Variants in EPHA6 observed in about 807,000 individuals in gnomAD.
The protein encoded by EPHA6 is EPH receptor A6, also known as ephrin type-A receptor 6.
In EPHA6, 50 loss-of-function variants were observed where a neutral mutation model predicts 112.0. The ratio of observed to expected loss-of-function variants is 0.45; its 90% confidence interval spans 0.36 to 0.56. The LOEUF (loss-of-function observed/expected upper bound fraction) is 0.56, where lower values mean the gene tolerates loss of function less well. Ranked by LOEUF, EPHA6 falls within the 20% of genes least tolerant of loss-of-function variation. The probability of loss-of-function intolerance (pLI) is 0.00; values close to 1 mark genes in which losing one functional copy is unlikely to be tolerated. For synonymous variants in EPHA6, 529 were observed against 490.7 expected, an observed-to-expected ratio of 1.08 and a Z score of -1.03; for missense variants, 1,280 against 1,417.4, an observed-to-expected ratio of 0.90 and a Z score of 1.56.
At chr3:97,722,349 A>G (rs907502618) in intron 15 of EPHA6, among the ~76,000 whole-genome samples, 2 of 152,210 alleles carry the variant, frequency 1.3e-5, no homozygotes, top group Non-Finnish European at 2.9e-5. Context: ...AACACATATT[A>G]CATTTGGAAG....
In EPHA6 at chr3:97,396,105, C is replaced by T. The variant is rs369851368; in HGVS notation, c.1607-9045C>T. 1.4e-4 allele frequency among the ~76,000 whole-genome samples: 21 copies of T among 151,542 alleles called. No individual in the cohort carries two copies. The East Asian group carries it at 1.7e-3, about 13-fold the overall frequency. On this transcript the variant is annotated intron_variant, in intron 5 of 17. Coordinates refer to ENST00000389672, the MANE Select transcript of EPHA6 (RefSeq NM_001080448.3). ...CAAAGTTAAGCGTCAAGGGATTTTC[C>T]GGATTGCTGGAAAAAATATATTAAA...
intron 5 of EPHA6, among the ~76,000 whole-genome samples, chr3:97,298,624 A>G (rs1253658328): frequency 6.6e-6 from 1 of 152,162 alleles, no homozygotes; most frequent in African/African-American, 2.4e-5. Flanking sequence ...TAATTACCAA[A>G]TATATAAGAC....
At chr3:97,325,227 C>T (rs187408400) in intron 5 of EPHA6, among the ~76,000 whole-genome samples, 22 of 152,190 alleles carry the variant, frequency 1.4e-4, no homozygotes, top group Admixed American at 9.2e-4. Context: ...GCACCATCGA[C>T]TATGTGGCTC....
intron 5 of EPHA6, among the ~76,000 whole-genome samples, chr3:97,366,944 G>A (rs138906508): frequency 2.2e-4 from 33 of 152,270 alleles, no homozygotes; most frequent in African/African-American, 7.5e-4. Flanking sequence ...TATTCTCAGC[G>A]CTTTACACGT....
rs565045900 is a variant in EPHA6, at chr3:96,987,981, G to C, written c.1102G>C (p.Gly368Arg). The C allele has an allele frequency of 1.9e-4, 285 of 1,538,408 alleles. No homozygotes were observed. The highest frequency in any genetic ancestry group is 2.3e-4 in the Non-Finnish European group (265 of 1,138,020). The change falls in exon 3 of 18, where the codon GGT (glycine) becomes CGT (arginine). Residue 368 changes from glycine to arginine, a missense_variant. Physicochemically the swap from Gly to Arg is moderately radical, Grantham distance 125. Around this residue, in one of 4 missense-constraint regions of EPHA6, gnomAD observed 878 missense variants for 999.7 expected, o/e 0.88. Transcript: ENST00000389672. Reference sequence around the variant, plus strand: ...CAGTACAGGATATGAAGAAATTGAGGGTTCTTGCCATGGTAAGAAACAAAC... The same window carrying C: ...CAGTACAGGATATGAAGAAATTGAGCGTTCTTGCCATGGTAAGAAACAAAC... ...ICSTGYEEIE[G>R]SCHACRPGFY...
At chr3:97,017,867 A>G (rs2107968207) in intron 3 of EPHA6, among the ~76,000 whole-genome samples, 2 of 152,074 alleles carry the variant, frequency 1.3e-5, no homozygotes, top group Middle Eastern at 3.4e-3. Flanking sequence ...ATCCCTTTGA[A>G]TAAACTTTCT....
intron 10 of EPHA6, among the ~76,000 whole-genome samples, chr3:97,524,587 T>A (rs192311451): frequency 2.0e-5 from 3 of 152,238 alleles, no homozygotes; most frequent in East Asian, 1.9e-4. Flanking sequence ...TACTTCCATA[T>A]GTTTTTATAT....
intron 3 of EPHA6, among the ~76,000 whole-genome samples, chr3:97,053,303 T>C (rs2045744893): frequency 6.6e-6 from 1 of 152,010 alleles, no homozygotes; most frequent in South Asian, 2.1e-4. Flanking sequence ...GTTAGTCTGG[T>C]CTAGAGAAGG....
At chr3:97,088,946 T>C (rs2046985392) in intron 3 of EPHA6, among the ~76,000 whole-genome samples, 1 of 152,086 alleles carries the variant, frequency 6.6e-6, no homozygotes, top group African/African-American at 2.4e-5. Context: ...AAGAGCATCT[T>C]TCTAAGGGCA....
intron 14 of EPHA6, among the ~76,000 whole-genome samples, chr3:97,701,735 A>G (rs1341659762): frequency 6.6e-6 from 1 of 151,826 alleles, no homozygotes; most frequent in African/African-American, 2.4e-5. Context: ...CTTCTTGACT[A>G]TTGTATAGTA....
intron 15 of EPHA6, 87 bp downstream of exon 15, chr3:97,720,497 A>G (rs2034477290): frequency 8.1e-7 from 1 of 1,237,830 alleles, no homozygotes; most frequent in Non-Finnish European, 1.1e-6. Context: ...CCTCACTCAG[A>G]TTGGCCTTTA....
At chr3:97,139,173 T>G (rs1205466963) in intron 3 of EPHA6, among the ~76,000 whole-genome samples, 1 of 152,126 alleles carries the variant, frequency 6.6e-6, no homozygotes, top group Non-Finnish European at 1.5e-5. Context: ...GACATGGACC[T>G]CAGAGAGCAC....
chr3:97,683,911 C>T (rs1056013200), intron 14 of EPHA6, among the ~76,000 whole-genome samples: 6 of 152,164 alleles, frequency 3.9e-5, no homozygotes, highest in Non-Finnish European at 7.4e-5. Context: ...TAGCTGAAGC[C>T]CATTCCTAAA....
intron 7 of EPHA6, among the ~76,000 whole-genome samples, chr3:97,461,930 CT>C (rs1303078414): frequency 2.6e-5 from 4 of 152,118 alleles, no homozygotes; most frequent in African/African-American, 9.7e-5. Context: ...GCAATATCAC[CT>C]TGTAGATCCA....
intron 11 of EPHA6, among the ~76,000 whole-genome samples, chr3:97,546,547 G>A (rs766737242): frequency 1.3e-5 from 2 of 151,930 alleles, no homozygotes; most frequent in African/African-American, 2.4e-5. Context: ...TGTGTCTTGG[G>A]GTTGCTCTTC....
At chr3:97,089,331 A>G (rs2046995316) in intron 3 of EPHA6, among the ~76,000 whole-genome samples, 2 of 152,102 alleles carry the variant, frequency 1.3e-5, no homozygotes, top group African/African-American at 4.8e-5. Context: ...ACCTTTTCAC[A>G]GTTTGCTTTT....
chr3:96,911,642 C>T (rs2039219130), intron 2 of EPHA6, among the ~76,000 whole-genome samples: 2 of 151,768 alleles, frequency 1.3e-5, no homozygotes, highest in Non-Finnish European at 2.9e-5. Context: ...TCTTGTCTGT[C>T]TCATATTATT....
At chr3:97,386,738 T>A (rs1371436917) in intron 5 of EPHA6, among the ~76,000 whole-genome samples, 1 of 152,210 alleles carries the variant, frequency 6.6e-6, no homozygotes, top group Non-Finnish European at 1.5e-5. Context: ...GACTCTGTGT[T>A]GGGGCTCCAT....
intron 14 of EPHA6, among the ~76,000 whole-genome samples, chr3:97,648,051 C>T (rs1225734561): frequency 1.3e-5 from 2 of 151,936 alleles, no homozygotes; most frequent in East Asian, 1.9e-4. Flanking sequence ...AAGATCAAAG[C>T]AAAATAGAAG....
Sources: allele counts gnomAD v4.1 joint callset (sites outside exome capture counted in the v4.1 genomes callset), GRCh38; gene constraint gnomAD v4.1.1; regional missense constraint gnomAD v4.1.1; transcripts MANE v1.5; gene names NCBI Gene and HGNC (gene_info 2026-07-23, HGNC 2026-07-21).